Variants in IRS4 observed in about 807,000 individuals in gnomAD.
IRS4 encodes the protein 160 kDa phosphotyrosine protein.
Under a neutral mutation model 48.6 loss-of-function variants are expected in IRS4, and 15 were observed. That is an observed-to-expected ratio of 0.31 (90% CI 0.21 to 0.48). IRS4 has a LOEUF of 0.48. Among genes scored for constraint, IRS4 ranks in the 20% least tolerant of loss-of-function variants. IRS4 has a pLI of 0.99. For missense variants in IRS4, 987 were observed against 1,023.4 expected (o/e 0.96, Z 0.49); for synonymous variants, 459 against 413.2 (o/e 1.11, Z -1.34).
chrX:108,736,022 C>T lies in IRS4; in HGVS notation c.323G>A (p.Arg108Gln), dbSNP rs1424466071. The change falls in exon 1 of 2, where the codon CGG becomes CAG. Residue 108 changes from arginine (R) to glutamine (Q), a missense_variant. Physicochemically the swap from Arg to Gln is conservative, Grantham distance 43. Coordinates refer to ENST00000372129, the MANE Select transcript of IRS4 (RefSeq NM_001379150.1). The stretch of plus-strand genomic sequence containing the variant: ...CCTGGCATTTTCGTAGTATTCCAGC[C>T]GAGCTGGGGCGTCAGCAGTCTCGAG... ...LKLETADAPA[R>Q]LEYYENARKF... is the part of the protein sequence containing the mutation. 1 of 1,208,358 alleles carries T rather than the reference C, an allele frequency of 8.3e-7. No homozygotes were observed. The highest frequency in any genetic ancestry group is 1.8e-5 in the African/African-American group (1 of 56,926).
At chrX:108,732,540 A>T in intron 1 of IRS4, 39 bp downstream of exon 1, 1 of 1,210,495 alleles carries the variant, frequency 8.3e-7, no homozygotes, top group Non-Finnish European at 1.1e-6. Flanking sequence ...TTAGACAATG[A>T]CCATTCACTT....
Position 108,733,452 on chromosome X carries a change from C to G in IRS4, c.2893G>C (p.Gly965Arg), listed in dbSNP as rs755362681. 2.2e-5 allele frequency: 27 copies of G among 1,209,715 alleles called. No homozygotes were observed. Among genetic ancestry groups the G allele is most frequent in the Non-Finnish European group, 2.9e-5 (26 of 895,164 alleles). Residue 965 changes from glycine (G) to arginine (R), a missense_variant, in exon 1 of 2, where the codon GGA (glycine) becomes CGA (arginine). Physicochemically the swap from Gly to Arg is moderately radical, Grantham distance 125. This residue lies in a region of IRS4 where 720 missense variants were observed against 660.3 expected (regional missense o/e 1.09). Transcript: ENST00000372129. ...TTTGCTGGATTTGGAAATGGCACTC[C>G]AAACTCAACATTCACATAATTAGAA... ...AFSNYVNVEFGVPFPNPANDL... is the reference protein window; with the variant it reads ...AFSNYVNVEFRVPFPNPANDL...
intron 1 of IRS4, among the ~76,000 whole-genome samples, chrX:108,728,417 T>C (rs1007003161): frequency 7.1e-5 from 8 of 111,940 alleles, no homozygotes; most frequent in African/African-American, 2.3e-4. Context: ...CTGTCACCAG[T>C]GGGAAAATAA....
In IRS4 at chrX:108,734,755, T is replaced by G. The variant is rs1368785386; in HGVS notation, c.1590A>C (p.Arg530=). The change falls in exon 1 of 2, where the codon CGA becomes CGC. Residue 530 remains arginine (R), a synonymous_variant. Transcript: ENST00000372129. The part of the protein sequence containing the change: ...NQCSGEGQGS[R]GGQGSNGQGS... ...CCTGGCCATTTGAGCCCTGACCACC[T>G]CGGGATCCCTGTCCCTCGCCTGAAC... 1 of 1,210,928 alleles carries G rather than the reference T, an allele frequency of 8.3e-7. No individual in the cohort carries two copies. The highest frequency in any genetic ancestry group is 3.0e-5 in the East Asian group (1 of 33,796).
rs1295441604 is a variant in IRS4 at position 108,721,799 on chromosome X, T to C, written c.*720A>G. 1 of 112,055 alleles carries C rather than the reference T, an allele frequency of 8.9e-6. No individual in the cohort carries two copies. The highest frequency in any genetic ancestry group is 3.2e-5 in the African/African-American group (1 of 30,875). The allele number at this position is 112,055 out of a possible 1,213,427, so 9.2% of individuals were successfully genotyped here. On this transcript the variant is annotated 3_prime_UTR_variant, in exon 2 of 2. Coordinates refer to ENST00000372129, the MANE Select transcript of IRS4 (RefSeq NM_001379150.1). ...CATCACAGTGTTGTATGTGAACAAA[T>C]AGCTGTTTCTCAGTTCTGCCTTTAA... is the stretch of plus-strand genomic sequence containing the variant.
At chrX:108,726,327 G>C (rs1221630240) in intron 1 of IRS4, 2 of 111,835 alleles carry the variant, frequency 1.8e-5, no homozygotes, top group African/African-American at 6.5e-5. Context: ...TTCAGTTTGA[G>C]ACTCCAGGAA....
At position 108,736,199 on chromosome X, in the gene IRS4, G is replaced by A. The variant is rs762631268; in HGVS notation, c.146C>T (p.Ser49Phe). 2 of 1,210,677 alleles carry A rather than the reference G, an allele frequency of 1.7e-6. No homozygotes were observed. Among genetic ancestry groups the A allele is most frequent in the Non-Finnish European group, 2.2e-6 (2 of 895,229 alleles). Residue 49 changes from serine to phenylalanine, a missense_variant, in exon 1 of 2, where the codon TCT (serine) becomes TTT (phenylalanine). Physicochemically the swap from Ser to Phe is radical, Grantham distance 155 (BLOSUM62 -2). This residue lies in a region of IRS4 where 173 missense variants were observed against 208.9 expected (regional missense o/e 0.83). Coordinates refer to ENST00000372129, the MANE Select transcript of IRS4 (RefSeq NM_001379150.1). ...TPTALIGTGS[S>F]CPGAMWLSTA... Reference sequence around the variant, plus strand: ...GGAGAGCCACATGGCTCCCGGACAAGACGACCCGGTCCCAATGAGTGCGGT... The same window carrying A: ...GGAGAGCCACATGGCTCCCGGACAAAACGACCCGGTCCCAATGAGTGCGGT...
rs772215837 is a variant in IRS4 at position 108,735,301 on chromosome X, G to C, written c.1044C>G (p.Gly348=). The change falls in exon 1 of 2, where the codon GGC becomes GGG. Residue 348 remains glycine, a synonymous_variant. Transcript: ENST00000372129. ...CGGACAGCAGGGTTAACAGGTGGGC[G>C]CCGATGCTGATGCTGTAGCTGCGGC... ...ARCRSYSISI[G]AHLLTLLSAR... is the part of the protein sequence containing the mutation. 1.7e-6 allele frequency: 2 copies of C among 1,209,595 alleles called. No individual in the cohort carries two copies. Among genetic ancestry groups the C allele is most frequent in the East Asian group, 3.0e-5 (1 of 33,689 alleles).
rs141325963 is a variant in IRS4 at position 108,734,545 on chromosome X, G to C, written c.1800C>G (p.Ser600=). 1.7e-6 allele frequency: 2 copies of C among 1,209,073 alleles called. No homozygotes were observed. Among genetic ancestry groups the C allele is most frequent in the Admixed American group, 2.2e-5 (1 of 45,706 alleles). ...ATTTTCCACGTTCACCATCACCATC[G>C]GATCCTTTCCCACTTCCTGAGCCTT... ...GGKGSGSGKG[S]DGDGERGKSL... Residue 600 remains serine (S), a synonymous_variant, in exon 1 of 2, where the codon TCC becomes TCG. Transcript: ENST00000372129.
At position 108,725,842 on chromosome X, in the gene IRS4, A is replaced by T. The variant is rs183296306; in HGVS notation, c.3767-3319T>A. 4.1e-4 allele frequency: 46 copies of T among 112,538 alleles called. No homozygotes were observed. In the Admixed American group the frequency reaches 4.3e-3, roughly 11 times the overall value. The allele number at this position is 112,538 out of a possible 1,213,427, so 9.3% of individuals were successfully genotyped here. A position where few individuals can be genotyped will look rare whatever the true frequency, so the allele number is the denominator to read the frequency against. ...TCAAAAGAATCTGTAAGGGAAATGT[A>T]TGACACTTGTAAACCCCCATCTCCT... On this transcript the variant is annotated intron_variant, in intron 1 of 1. Coordinates refer to ENST00000372129, the MANE Select transcript of IRS4 (RefSeq NM_001379150.1).
At chrX:108,726,372 TC>T (rs2068875453) in intron 1 of IRS4, 1 of 111,276 alleles carries the variant, frequency 9.0e-6, no homozygotes, top group South Asian at 3.8e-4. Context: ...AGGAATTGTG[TC>T]CCCCATACTC....
intron 1 of IRS4, 170 bp downstream of exon 1, chrX:108,732,409 T>C (rs2068906954): frequency 1.1e-6 from 1 of 881,767 alleles, no homozygotes; most frequent in Non-Finnish European, 1.6e-6. Context: ...TAAAAACAAA[T>C]TTTTGCAAAG....
chrX:108,736,268 A>T lies in IRS4; in HGVS notation c.77T>A (p.Leu26Gln), dbSNP rs762596601. Reference sequence around the variant, plus strand: ...AAGCGGGGTGGTCACCACTGCTGCTAGAGCTGCCGCTGCCGCCGCTGCTGC... The same window carrying T: ...AAGCGGGGTGGTCACCACTGCTGCTTGAGCTGCCGCTGCCGCCGCTGCTGC... The part of the protein sequence containing the change: ...RGAAAAAAAA[L>Q]AAVVTTPLLS... Residue 26 changes from leucine (L) to glutamine (Q), a missense_variant, in exon 1 of 2, where the codon CTA (leucine) becomes CAA (glutamine). By Grantham distance (113) the Leu-to-Gln change is moderately radical (BLOSUM62 -2). Coordinates refer to ENST00000372129, the MANE Select transcript of IRS4 (RefSeq NM_001379150.1). The T allele has an allele frequency of 1.7e-6, 2 of 1,208,607 alleles. No homozygotes were observed. Among genetic ancestry groups the T allele is most frequent in the Non-Finnish European group, 2.2e-6 (2 of 894,835 alleles).
At position 108,734,166 on chromosome X, in the gene IRS4, C is replaced by T. The variant is rs2068928666; in HGVS notation, c.2179G>A (p.Ala727Thr). 1 of 1,208,865 alleles carries T rather than the reference C, an allele frequency of 8.3e-7. No individual in the cohort carries two copies. Among genetic ancestry groups the T allele is most frequent in the African/African-American group, 1.8e-5 (1 of 56,714 alleles). The change falls in exon 1 of 2, where the codon GCT becomes ACT. Residue 727 changes from alanine to threonine, a missense_variant. By Grantham distance (58) the Ala-to-Thr change is moderately conservative. This residue lies in a region of IRS4 where 720 missense variants were observed against 660.3 expected (regional missense o/e 1.09). Transcript: ENST00000372129. ...YMPMAPQNVS[A>T]SKKRHSRSPF... ...GATCGAGAGTGGCGCTTTTTTGAAGCAGAGACATTTTGAGGAGCCATTGGC... is the reference window on the plus strand; with the variant it reads ...GATCGAGAGTGGCGCTTTTTTGAAGTAGAGACATTTTGAGGAGCCATTGGC...
chrX:108,733,319 G>C lies in IRS4; in HGVS notation c.3026C>G (p.Ala1009Gly). 1 of 1,211,359 alleles carries C rather than the reference G, an allele frequency of 8.3e-7. No homozygotes were observed. The highest frequency in any genetic ancestry group is 3.0e-5 in the East Asian group (1 of 33,843). The change falls in exon 1 of 2, where the codon GCT becomes GGT. Residue 1009 changes from alanine (A) to glycine (G), a missense_variant. Ala to Gly is a moderately conservative substitution (Grantham distance 60, BLOSUM62 0). Coordinates refer to ENST00000372129, the MANE Select transcript of IRS4 (RefSeq NM_001379150.1). ...PLPLSATGSN[A>G]IEEEGDYIEV... ...AATGTAGTCACCCTCTTCCTCAATA[G>C]CATTGCTACCTGTAGCACTGAGGGG... is the stretch of plus-strand genomic sequence containing the variant.
Position 108,734,481 on chromosome X carries a change from T to C in IRS4, c.1864A>G (p.Ser622Gly). The C allele has an allele frequency of 1.7e-6, 2 of 1,211,432 alleles. No homozygotes were observed. The highest frequency in any genetic ancestry group is 2.2e-6 in the Non-Finnish European group (2 of 895,450). The change falls in exon 1 of 2, where the codon AGC becomes GGC. Residue 622 changes from serine to glycine, a missense_variant. Physicochemically the swap from Ser to Gly is moderately conservative, Grantham distance 56 (BLOSUM62 0). Around this residue, in one of 4 missense-constraint regions of IRS4, gnomAD observed 720 missense variants for 660.3 expected, o/e 1.09. Coordinates refer to ENST00000372129, the MANE Select transcript of IRS4 (RefSeq NM_001379150.1). ...KRSYFGKLTQ[S>G]KQQQMPPPPP... ...GGTGGTGGCATTTGCTGTTGCTTGC[T>C]TTGAGTTAATTTGCCAAAATAGGAT... is the stretch of plus-strand genomic sequence containing the variant.
At position 108,735,157 on chromosome X, in the gene IRS4, G is replaced by A. The variant is rs1180646378; in HGVS notation, c.1188C>T (p.Thr396=). 7 of 1,209,490 alleles carry A rather than the reference G, an allele frequency of 5.8e-6. No individual in the cohort carries two copies. Among genetic ancestry groups the A allele is most frequent in the Admixed American group, 4.4e-5 (2 of 45,769 alleles). Residue 396 remains threonine (T), a synonymous_variant, in exon 1 of 2, where the codon ACC becomes ACT. Transcript: ENST00000372129. The part of the protein sequence containing the change: ...IGDGEDEMLF[T]RRFVTPSEPV... ...GCTCGCTGGGTGTTACGAAGCGCCTGGTGAAAAGCATCTCGTCTTCCCCGT... is the reference window on the plus strand; with the variant it reads ...GCTCGCTGGGTGTTACGAAGCGCCTAGTGAAAAGCATCTCGTCTTCCCCGT...
At position 108,722,334 on chromosome X, in the gene IRS4, A is replaced by G; in HGVS notation, c.*185T>C. 1 of 226,629 alleles carries G rather than the reference A, an allele frequency of 4.4e-6. No homozygotes were observed. The highest frequency in any genetic ancestry group is 5.5e-5 in the South Asian group (1 of 18,177). The allele number at this position is 226,629 out of a possible 1,213,427, so 18.7% of individuals were successfully genotyped here. ...AATCACTGGATCCATAAGCAGCAGT[A>G]TGAATGATCTGCATGAATAGGATCA... On this transcript the variant is annotated 3_prime_UTR_variant, in exon 2 of 2. Coordinates refer to ENST00000372129, the MANE Select transcript of IRS4 (RefSeq NM_001379150.1).
chrX:108,722,369 C>T lies in IRS4; in HGVS notation c.*150G>A, dbSNP rs761135073. 2 of 239,538 alleles carry T rather than the reference C, an allele frequency of 8.3e-6. No individual in the cohort carries two copies. The highest frequency in any genetic ancestry group is 1.6e-5 in the Non-Finnish European group (2 of 126,914). 19.7% of individuals were successfully genotyped at this position (239,538 alleles called of 1,213,427 possible). A position where few individuals can be genotyped will look rare whatever the true frequency, so the allele number is the denominator to read the frequency against. On this transcript the variant is annotated 3_prime_UTR_variant, in exon 2 of 2. Coordinates refer to ENST00000372129, the MANE Select transcript of IRS4 (RefSeq NM_001379150.1). ...TGCATGAATAGGATCATTCAATTGC[C>T]AGAGTCCACTTGTAGGCTTGTAGAA...
Sources: gnomAD v4.1 joint callset for allele counts (sites outside exome capture counted in the v4.1 genomes callset) on GRCh38, gnomAD v4.1.1 for gene constraint, gnomAD v4.1.1 regional missense constraint, MANE v1.5 for transcripts, NCBI Gene and HGNC (gene_info 2026-07-23, HGNC 2026-07-21) for gene names.